ITFG1: variants seen among roughly 807,000 people sequenced by gnomAD.
ITFG1 encodes the protein T-cell immunomodulatory protein.
ITFG1 carries 34 observed loss-of-function variants against 81.8 expected under a neutral mutation model. The ratio of observed to expected loss-of-function variants is 0.42; its 90% CI spans 0.32 to 0.55. The LOEUF is 0.55. ITFG1 is among the 20% of genes least tolerant of loss of function. ITFG1 has a pLI of 0.17. For missense variants in ITFG1, 672 were observed against 755.4 expected, an observed-to-expected ratio of 0.89 and a Z score of 1.29; for synonymous variants, 285 against 270.6, an observed-to-expected ratio of 1.05 and a Z score of -0.52.
In ITFG1 at chr16:47,239,733, C is replaced by G. The variant is rs138214523; in HGVS notation, c.1331-1725G>C. ...ACCCCAGCAGAATGCCTGGTTCTCA[C>G]TCTTTTATTATGAAAACCCTAACTT... is the stretch of plus-strand genomic sequence containing the variant. On this transcript the variant is annotated intron_variant, in intron 12 of 17. Transcript: ENST00000320640. 7.5e-3 allele frequency among the ~76,000 whole-genome samples: 1,146 copies of G among 152,264 alleles called. 18 individuals carry two copies. The highest frequency in any genetic ancestry group is 0.026 in the African/African-American group (1,086 of 41,562).
At chr16:47,222,961 C>A (rs1965711849) in intron 13 of ITFG1, among the ~76,000 whole-genome samples, 2 of 151,738 alleles carry the variant, frequency 1.3e-5, no homozygotes, top group African/African-American at 2.4e-5. Context: ...CTTTGACAAA[C>A]CTGAGAAAAA....
intron 13 of ITFG1, among the ~76,000 whole-genome samples, chr16:47,229,042 T>G (rs964703467): frequency 2.6e-5 from 4 of 152,194 alleles, no homozygotes; most frequent in African/African-American, 9.7e-5. Flanking sequence ...AGAAAGCTCA[T>G]TTATTCATAC....
At chr16:47,254,408 A>ATT (rs1567436789) in intron 12 of ITFG1, among the ~76,000 whole-genome samples, 23 of 151,872 alleles carry the variant, frequency 1.5e-4, no homozygotes, top group African/African-American at 5.6e-4. Flanking sequence ...TTATTATTAC[A>ATT]ACTGGGAATT....
chr16:47,365,899 C>A lies in ITFG1; in HGVS notation c.721-30G>T, dbSNP rs770982685. On this transcript the variant is annotated intron_variant, in intron 7 of 17. Coordinates refer to ENST00000320640, the MANE Select transcript of ITFG1 (RefSeq NM_030790.5). ...TAAATGAAGAAAACTTTGAATTAGA[C>A]CATCTTAATCCACTCATTTGTTAAG... 1.6e-5 allele frequency: 17 copies of A among 1,085,656 alleles called. No homozygotes were observed. The East Asian group carries it at 3.8e-4, about 24-fold the overall frequency. 67.3% of individuals were successfully genotyped at this position (1,085,656 alleles called of 1,614,324 possible).
At chr16:47,179,095 G>A (rs1208892903) in intron 14 of ITFG1, among the ~76,000 whole-genome samples, 1 of 152,138 alleles carries the variant, frequency 6.6e-6, no homozygotes, top group Non-Finnish European at 1.5e-5. Flanking sequence ...TGGAGAGGAT[G>A]TGGAGAAATA....
intron 14 of ITFG1, among the ~76,000 whole-genome samples, chr16:47,201,878 TATAA>T (rs1965428974): frequency 6.6e-6 from 1 of 152,214 alleles, no homozygotes; most frequent in African/African-American, 2.4e-5. Context: ...CAATACCATA[TATAA>T]ATAGATTTTC....
At chr16:47,294,184 T>C (rs1372236014) in intron 10 of ITFG1, among the ~76,000 whole-genome samples, 3 of 152,164 alleles carry the variant, frequency 2.0e-5, no homozygotes, top group Non-Finnish European at 4.4e-5. Context: ...TTTGGCTTTA[T>C]TTCTGGTTTC....
upstream of ITFG1, chr16:47,461,144 A>ACG: frequency 1.6e-6 from 2 of 1,218,542 alleles, no homozygotes; most frequent in African/African-American, 3.1e-5. Flanking sequence ...CAGCCCCGGG[A>ACG]CGCGTAAGAG....
At chr16:47,208,900 AG>A (rs1198683791) in intron 14 of ITFG1, among the ~76,000 whole-genome samples, 1 of 152,156 alleles carries the variant, frequency 6.6e-6, no homozygotes, top group Non-Finnish European at 1.5e-5. Context: ...GGGAGGGGAG[AG>A]GAGGGAAGTG....
At chr16:47,201,859 G>A (rs1431804676) in intron 14 of ITFG1, among the ~76,000 whole-genome samples, 3 of 151,976 alleles carry the variant, frequency 2.0e-5, no homozygotes, top group African/African-American at 4.8e-5. Context: ...CTCATCAAGG[G>A]GTCTGGCACA....
At chr16:47,375,504 A>T (rs1968312162) in intron 7 of ITFG1, among the ~76,000 whole-genome samples, 1 of 152,132 alleles carries the variant, frequency 6.6e-6, no homozygotes, top group African/African-American at 2.4e-5. Context: ...ATATAAGCCT[A>T]AAGGCAAAGG....
At chr16:47,454,580 T>C (rs1969428947) in intron 2 of ITFG1, among the ~76,000 whole-genome samples, 1 of 152,174 alleles carries the variant, frequency 6.6e-6, no homozygotes, top group Non-Finnish European at 1.5e-5. Flanking sequence ...ATATTTAGTT[T>C]GGATTTTAAC....
intron 8 of ITFG1, among the ~76,000 whole-genome samples, chr16:47,347,354 C>T (rs528584006): frequency 8.2e-4 from 125 of 152,358 alleles, no homozygotes; most frequent in African/African-American, 2.5e-3. Context: ...CCTAATACCG[C>T]GCTTTTCCAA....
At chr16:47,303,857 T>C (rs1208939840) in intron 10 of ITFG1, among the ~76,000 whole-genome samples, 1 of 152,148 alleles carries the variant, frequency 6.6e-6, no homozygotes, top group East Asian at 1.9e-4. Flanking sequence ...GTTGAACTTC[T>C]GGGCTCAAGT....
chr16:47,246,559 T>C (rs759413412), intron 12 of ITFG1, among the ~76,000 whole-genome samples: 5 of 152,200 alleles, frequency 3.3e-5, no homozygotes, highest in African/African-American at 7.2e-5. Flanking sequence ...CTGTGTCCAC[T>C]CAGAAATTAT....
intron 14 of ITFG1, among the ~76,000 whole-genome samples, chr16:47,176,759 T>A (rs550404521): frequency 3.3e-5 from 5 of 152,218 alleles, no homozygotes; most frequent in African/African-American, 1.2e-4. Flanking sequence ...AGAAAGAGAC[T>A]GTGTTCCAAG....
intron 14 of ITFG1, among the ~76,000 whole-genome samples, chr16:47,214,921 A>AAC (rs57114470): frequency 0.084 from 12,186 of 145,068 alleles, 508 homozygotes; most frequent in Non-Finnish European, 0.095. Flanking sequence ...CCAGTGTGAA[A>AAC]ACACACACAC....
chr16:47,286,936 T>G (rs1300688254), intron 10 of ITFG1, among the ~76,000 whole-genome samples: 1 of 152,124 alleles, frequency 6.6e-6, no homozygotes, highest in Admixed American at 6.5e-5. Flanking sequence ...ACTTACAAAA[T>G]CTATATTCTT....
intron 6 of ITFG1, among the ~76,000 whole-genome samples, chr16:47,389,345 C>T (rs1045200445): frequency 6.6e-6 from 1 of 151,934 alleles, no homozygotes; most frequent in Admixed American, 6.6e-5. Flanking sequence ...TGTAATAAAA[C>T]AATATGTATA....
Sources: gnomAD v4.1 joint callset for allele counts (sites outside exome capture counted in the v4.1 genomes callset) on GRCh38, gnomAD v4.1.1 for gene constraint, MANE v1.5 for transcripts, NCBI Gene and HGNC (gene_info 2026-07-23, HGNC 2026-07-21) for gene names.